Variants in SHANK1 observed in about 807,000 individuals in gnomAD.
SHANK1 encodes SH3 and multiple ankyrin repeat domains 1.
A neutral mutation model predicts 165.6 loss-of-function variants in SHANK1; 35 were observed. The ratio of observed to expected loss-of-function variants is 0.21; its 90% CI spans 0.16 to 0.28. SHANK1 has a LOEUF of 0.28. Ranked by LOEUF, SHANK1 falls within the 10% of genes least tolerant of loss-of-function variation. The probability of loss-of-function intolerance (pLI) is 1.00; values close to 1 mark genes in which losing one functional copy is unlikely to be tolerated. For synonymous variants in SHANK1, 1,428 were observed against 1,384.8 expected, an observed-to-expected ratio of 1.03 and a Z score of -0.69; for missense variants, 2,681 against 3,036.4, an observed-to-expected ratio of 0.88 and a Z score of 2.75.
At position 50,705,232 on chromosome 19, in the gene SHANK1, C is replaced by T. The variant is rs112024251; in HGVS notation, c.1078-718G>A. On this transcript the variant is annotated intron_variant, in intron 8 of 23. Coordinates refer to ENST00000293441, the MANE Select transcript of SHANK1 (RefSeq NM_016148.5). Reference sequence around the variant, plus strand: ...TGGTGGGCGTGTGTAATCCCAGCTACTCAGGAGGCTGAGGTGGGAGAATCA... The same window carrying T: ...TGGTGGGCGTGTGTAATCCCAGCTATTCAGGAGGCTGAGGTGGGAGAATCA... Among the ~76,000 whole-genome samples, 7 of 152,066 alleles carry T rather than the reference C, an allele frequency of 4.6e-5. No individual in the cohort carries two copies. The South Asian group carries it at 1.2e-3, about 27-fold the overall frequency.
intron 8 of SHANK1, among the ~76,000 whole-genome samples, chr19:50,709,771 G>A (rs573610016): frequency 6.6e-6 from 1 of 151,988 alleles, no homozygotes; most frequent in East Asian, 1.9e-4. Context: ...GGCTGGTCTC[G>A]AACTCCTGGG....
In SHANK1 at chr19:50,662,385, G is replaced by C. The variant is rs779067464; in HGVS notation, c.6066C>G (p.Ile2022Met). Reference protein sequence around the residue: ...SPAPRPSSLPILPSGPLYPGL... With the variant: ...SPAPRPSSLPMLPSGPLYPGL... ...CTGGGTAGAGGGGTCCGGAAGGCAG[G>C]ATGGGCAGGGACGAGGGCCTGGGCG... Residue 2022 changes from isoleucine to methionine, a missense_variant, in exon 24 of 24, where the codon ATC (isoleucine) becomes ATG (methionine). Around this residue, in one of 10 missense-constraint regions of SHANK1, gnomAD observed 1,713 missense variants for 1,630.2 expected, o/e 1.05. Transcript: ENST00000293441. This position sits in a 1 kb window ranked among gnomAD's most constrained non-coding sequence, Gnocchi z 7.7. 1 of 1,574,888 alleles carries C rather than the reference G, an allele frequency of 6.3e-7. No individual in the cohort carries two copies. Among genetic ancestry groups the C allele is most frequent in the Admixed American group, 1.8e-5 (1 of 55,146 alleles).
intron 12 of SHANK1, among the ~76,000 whole-genome samples, chr19:50,699,342 A>C (rs1016679117): frequency 1.3e-5 from 2 of 152,244 alleles, no homozygotes; most frequent in Non-Finnish European, 2.9e-5. Flanking sequence ...CTTCCAGAGC[A>C]GTGGCCAATA....
At chr19:50,703,376 AC>A (rs1446253966) in intron 11 of SHANK1, 123 bp downstream of exon 11, 1 of 775,652 alleles carries the variant, frequency 1.3e-6, no homozygotes, top group Non-Finnish European at 2.0e-6. Context: ...CCCCAAGGTG[AC>A]ACTAGGGACT....
Position 50,686,829 on chromosome 19 carries a change from CG to C in SHANK1, c.2390-18del, listed in dbSNP as rs1283649262. 1 of 1,613,268 alleles carries C rather than the reference CG, an allele frequency of 6.2e-7. No individual in the cohort carries two copies. Among genetic ancestry groups the C allele is most frequent in the South Asian group, 1.1e-5 (1 of 91,060 alleles). ...GCTCGTACTCTGTGGGCAAAGAACA[CG>C]GATGACGCCCAGGGAGCCCCCGGGG... On this transcript the variant is annotated intron_variant, in intron 19 of 23. Coordinates refer to ENST00000293441, the MANE Select transcript of SHANK1 (RefSeq NM_016148.5). This position sits in a 1 kb window ranked among gnomAD's most constrained non-coding sequence, Gnocchi z 5.7.
rs551406215 is a variant in SHANK1 at position 50,667,679 on chromosome 19, G to C, written c.4281C>G (p.Gly1427=). 1 of 1,375,278 alleles carries C rather than the reference G, an allele frequency of 7.3e-7. No individual in the cohort carries two copies. Among genetic ancestry groups the C allele is most frequent in the Non-Finnish European group, 9.3e-7 (1 of 1,072,692 alleles). The allele number at this position is 1,375,278 out of a possible 1,614,324, so 85.2% of individuals were successfully genotyped here. Residue 1427 remains glycine, a synonymous_variant, in exon 23 of 24, where the codon GGC becomes GGG. Transcript: ENST00000293441. This position sits in a 1 kb window ranked among gnomAD's most constrained non-coding sequence, Gnocchi z 5.7. ...TGGCGGGAAGGGACTTCTCCTGGCT[G>C]CCCAGCCCGGCCCTGTACCCCAGCT... ...RRELGYRAGL[G]SQEKSLPASP...
At position 50,697,725 on chromosome 19, in the gene SHANK1, G is replaced by C. The variant is rs576658527; in HGVS notation, c.1862-61C>G. On this transcript the variant is annotated intron_variant, in intron 13 of 23. Coordinates refer to ENST00000293441, the MANE Select transcript of SHANK1 (RefSeq NM_016148.5). The surrounding 1 kb of genome is among the most constrained non-coding windows in gnomAD (Gnocchi z 4.7). ...TTTGGAAACCACAATCCCAGCCCTA[G>C]AGCTCCTGGCCCAAGTCTTCCCATC... The C allele has an allele frequency of 6.4e-7, 1 of 1,574,046 alleles. No individual in the cohort carries two copies. Among genetic ancestry groups the C allele is most frequent in the South Asian group, 1.1e-5 (1 of 90,208 alleles).
At chr19:50,683,685 T>C (rs1274153558) in intron 21 of SHANK1, among the ~76,000 whole-genome samples, 1 of 152,076 alleles carries the variant, frequency 6.6e-6, no homozygotes, top group Non-Finnish European at 1.5e-5. Context: ...GTTCACAGTA[T>C]AAGAGCCGAA....
chr19:50,676,202 C>T (rs1292110212), intron 21 of SHANK1, among the ~76,000 whole-genome samples: 1 of 150,168 alleles, frequency 6.7e-6, no homozygotes, highest in African/African-American at 2.5e-5. Context: ...ACTTGGGAGG[C>T]TGAGGTGGGA....
At position 50,667,175 on chromosome 19, in the gene SHANK1, T is replaced by A; in HGVS notation, c.4785A>T (p.Thr1595=). 4 of 1,560,954 alleles carry A rather than the reference T, an allele frequency of 2.6e-6. No homozygotes were observed. The highest frequency in any genetic ancestry group is 8.6e-7 in the Non-Finnish European group (1 of 1,160,590). ...GGGGTAACGGGGTGGCAGGGGCAGG[T>A]GTGTCGGGCAGCGGGTGGGGAGGCC... ...TPGPPHPLPD[T]PAPATPLPPV... is the part of the protein sequence containing the mutation. The change falls in exon 23 of 24, where the codon ACA becomes ACT. Residue 1595 remains threonine (T), a synonymous_variant. Transcript: ENST00000293441. The surrounding 1 kb of genome is among the most constrained non-coding windows in gnomAD (Gnocchi z 5.7).
In SHANK1 at chr19:50,713,954, A is replaced by T; in HGVS notation, c.641-5T>A. On this transcript the variant is annotated splice_region_variant and splice_polypyrimidine_tract_variant and intron_variant, in intron 5 of 23. Transcript: ENST00000293441. The surrounding 1 kb of genome is among the most constrained non-coding windows in gnomAD (Gnocchi z 6.2). ...CCGCCAGTGTCAAGGGGGTCTCTGA[A>T]GGGCGGGAAAAGCTGGTCACATGAA... 6.2e-7 allele frequency: 1 copy of T among 1,613,578 alleles called. No individual in the cohort carries two copies. Among genetic ancestry groups the T allele is most frequent in the South Asian group, 1.1e-5 (1 of 91,076 alleles).
intron 21 of SHANK1, among the ~76,000 whole-genome samples, chr19:50,676,143 T>A (rs1351313075): frequency 1.3e-5 from 2 of 151,922 alleles, no homozygotes; most frequent in African/African-American, 2.4e-5. Context: ...CCCCCAATTT[T>A]TTTTTTTTAA....
intron 21 of SHANK1, among the ~76,000 whole-genome samples, chr19:50,684,066 G>T (rs1040132185): frequency 6.6e-6 from 1 of 152,106 alleles, no homozygotes; most frequent in African/African-American, 2.4e-5. Context: ...TTTCTGTACC[G>T]CCCTTTCCTT....
intron 21 of SHANK1, among the ~76,000 whole-genome samples, chr19:50,682,356 G>A (rs1986206795): frequency 6.6e-6 from 1 of 152,268 alleles, no homozygotes; most frequent in Non-Finnish European, 1.5e-5. Context: ...GCCCGGCCCA[G>A]CCTGGCCTGT....
chr19:50,695,047 G>GCGGCCCCAGCCC lies in SHANK1; in HGVS notation c.1964+2037_1964+2048dup, dbSNP rs1446295548. ...GACCGCAGACAAAGCCATCGCCGCC[G>GCGGCCCCAGCCC]CGGCCCCAGCCCCGGCCCGGGTCCC... On this transcript the variant is annotated intron_variant, in intron 15 of 23. Transcript: ENST00000293441. 2.8e-3 allele frequency among the ~76,000 whole-genome samples: 408 copies of GCGGCCCCAGCCC among 146,424 alleles called. 5 individuals carry two copies. Among genetic ancestry groups the GCGGCCCCAGCCC allele is most frequent in the Admixed American group, 4.2e-3 (63 of 14,830 alleles).
chr19:50,668,602 G>T lies in SHANK1; in HGVS notation c.3358C>A (p.Pro1120Thr), dbSNP rs1356963038. ...LVKQTKVEGE[P>T]QKGGGLPPAP... ...GGCGGGAGGCCGCCGCCCTTCTGGG[G>T]CTCGCCTTCCACCTTGGTCTGCTTG... The change falls in exon 23 of 24, where the codon CCC (proline) becomes ACC (threonine). Residue 1120 changes from proline to threonine, a missense_variant. Pro to Thr is a conservative substitution (Grantham distance 38). Transcript: ENST00000293441. The T allele has an allele frequency of 7.3e-7, 1 of 1,370,596 alleles. No individual in the cohort carries two copies. The highest frequency in any genetic ancestry group is 9.5e-7 in the Non-Finnish European group (1 of 1,057,472). 84.9% of individuals were successfully genotyped at this position (1,370,596 alleles called of 1,614,324 possible).
intron 10 of SHANK1, 47 bp from the exon 11 acceptor site, chr19:50,703,877 G>A (rs1224059831): frequency 1.2e-6 from 1 of 828,152 alleles, no homozygotes; most frequent in Admixed American, 3.0e-5. Flanking sequence ...GGGGAGAAAA[G>A]GCAAGCAGGG....
In SHANK1 at chr19:50,716,192, G is replaced by T. The variant is rs185959592; in HGVS notation, c.459+83C>A. 3.8e-6 allele frequency: 5 copies of T among 1,323,568 alleles called. No homozygotes were observed. The highest frequency in any genetic ancestry group is 1.4e-5 in the African/African-American group (1 of 69,178). The allele number at this position is 1,323,568 out of a possible 1,614,324, so 82.0% of individuals were successfully genotyped here. A position where few individuals can be genotyped will look rare whatever the true frequency, so the allele number is the denominator to read the frequency against. On this transcript the variant is annotated intron_variant, in intron 3 of 23. Transcript: ENST00000293441. The surrounding 1 kb of genome is among the most constrained non-coding windows in gnomAD (Gnocchi z 8.4). Reference sequence around the variant, plus strand: ...CTGGGTGCCCCCTCGTTAAGGTTTCGAGTGTGTTAAAAAGTGGGTGGGGGG... The same window carrying T: ...CTGGGTGCCCCCTCGTTAAGGTTTCTAGTGTGTTAAAAAGTGGGTGGGGGG...
At chr19:50,679,937 G>C (rs1986121181) in intron 21 of SHANK1, among the ~76,000 whole-genome samples, 2 of 151,906 alleles carry the variant, frequency 1.3e-5, no homozygotes, top group African/African-American at 4.8e-5. Flanking sequence ...CAGAGATAGG[G>C]AGACAGAGAT....
Sources: gnomAD v4.1 joint callset for allele counts (sites outside exome capture counted in the v4.1 genomes callset) on GRCh38, gnomAD v4.1.1 for gene constraint, gnomAD v4.1.1 regional missense constraint, Gnocchi (gnomAD v3.1) non-coding constraint, MANE v1.5 for transcripts, NCBI Gene and HGNC (gene_info 2026-07-23, HGNC 2026-07-21) for gene names.